Variants in ATP1B3 observed in about 807,000 individuals in gnomAD.
The protein encoded by ATP1B3 is sodium/potassium-transporting ATPase subunit beta-3.
In ATP1B3, 10 loss-of-function variants were observed where a neutral mutation model predicts 30.2. The observed-to-expected ratio is 0.33, with a 90% CI of 0.20 to 0.56. The LOEUF (loss-of-function observed/expected upper bound fraction) is 0.56, where lower values mean the gene tolerates loss of function less well. Among genes scored for constraint, ATP1B3 ranks in the 20% least tolerant of loss-of-function variants. ATP1B3 has a pLI of 0.90. For missense variants in ATP1B3, 238 were observed against 336.7 expected (o/e 0.71, Z 2.29); for synonymous variants, 113 against 117.0 (o/e 0.97, Z 0.22).
chr3:141,911,142 G>T (rs1427554822), intron 3 of ATP1B3, among the ~76,000 whole-genome samples: 1 of 151,934 alleles, frequency 6.6e-6, no homozygotes, highest in Non-Finnish European at 1.5e-5. Flanking sequence ...ATTATCCTCT[G>T]TTACCACTTT....
In ATP1B3 at chr3:141,926,491, T is replaced by C. The variant is rs1934663483; in HGVS notation, c.*790T>C. ...TTATTTAGCAGACTGTGGACTGTAA[T>C]AAAGTATATAAATTGTGAAATATAA... On this transcript the variant is annotated 3_prime_UTR_variant, in exon 7 of 7. Transcript: ENST00000286371. 1 of 151,830 alleles carries C rather than the reference T, an allele frequency of 6.6e-6. No homozygotes were observed. The highest frequency in any genetic ancestry group is 1.5e-5 in the Non-Finnish European group (1 of 68,028). 9.4% of individuals were successfully genotyped at this position (151,830 alleles called of 1,614,324 possible).
At chr3:141,902,598 A>C (rs1934184642) in intron 1 of ATP1B3, among the ~76,000 whole-genome samples, 1 of 152,248 alleles carries the variant, frequency 6.6e-6, no homozygotes, top group East Asian at 1.9e-4. Context: ...ATTGATTTTA[A>C]GTGTTCCCAA....
intron 1 of ATP1B3, among the ~76,000 whole-genome samples, chr3:141,900,756 C>T (rs930032260): frequency 6.6e-6 from 1 of 152,010 alleles, no homozygotes; most frequent in African/African-American, 2.4e-5. Flanking sequence ...CTAAGTCTTG[C>T]CAGGTTTCTT....
chr3:141,899,867 C>T (rs1353935388), intron 1 of ATP1B3, among the ~76,000 whole-genome samples: 1 of 151,870 alleles, frequency 6.6e-6, no homozygotes, highest in Non-Finnish European at 1.5e-5. Context: ...GAAACTCCAT[C>T]TCCAAAAAAA....
intron 6 of ATP1B3, among the ~76,000 whole-genome samples, chr3:141,925,012 C>G (rs558707921): frequency 6.6e-6 from 1 of 152,160 alleles, no homozygotes; most frequent in South Asian, 2.1e-4. Flanking sequence ...CACCTGTAAT[C>G]CTAGCATTCT....
chr3:141,897,300 G>A (rs1027915616), intron 1 of ATP1B3, among the ~76,000 whole-genome samples: 11 of 152,050 alleles, frequency 7.2e-5, no homozygotes, highest in Admixed American at 5.2e-4. Context: ...TGCTAGAGAG[G>A]ATTCTTTTTG....
intron 1 of ATP1B3, among the ~76,000 whole-genome samples, chr3:141,884,796 T>A (rs894982731): frequency 1.3e-5 from 2 of 152,248 alleles, no homozygotes; most frequent in Non-Finnish European, 2.9e-5. Flanking sequence ...ATACATATTA[T>A]TAGTTCTGTC....
chr3:141,900,957 A>C (rs1299850340), intron 1 of ATP1B3, among the ~76,000 whole-genome samples: 1 of 151,954 alleles, frequency 6.6e-6, no homozygotes, highest in Non-Finnish European at 1.5e-5. Context: ...TATTTTTTGC[A>C]TTTTTAGTAG....
chr3:141,919,958 A>G (rs1934537595), intron 5 of ATP1B3, among the ~76,000 whole-genome samples: 1 of 152,088 alleles, frequency 6.6e-6, no homozygotes. Flanking sequence ...AAAATATGCT[A>G]TTCGTATACT....
At chr3:141,881,127 C>G (rs970411006) in intron 1 of ATP1B3, among the ~76,000 whole-genome samples, 8 of 150,328 alleles carry the variant, frequency 5.3e-5, no homozygotes, top group African/African-American at 2.0e-4. Context: ...TGCTTGAACC[C>G]GGGAGGTGGA....
At chr3:141,909,541 G>C (rs1934319825) in intron 3 of ATP1B3, among the ~76,000 whole-genome samples, 1 of 152,238 alleles carries the variant, frequency 6.6e-6, no homozygotes, top group South Asian at 2.1e-4. Flanking sequence ...TGAAGGAGGT[G>C]AAAGAACTAG....
intron 1 of ATP1B3, among the ~76,000 whole-genome samples, chr3:141,895,487 G>A (rs1049939855): frequency 3.3e-5 from 5 of 151,980 alleles, no homozygotes; most frequent in Admixed American, 1.3e-4. Flanking sequence ...ACTGCGTCCC[G>A]CCTCTTTTTT....
chr3:141,896,044 T>C (rs1438857735), intron 1 of ATP1B3, among the ~76,000 whole-genome samples: 4 of 152,170 alleles, frequency 2.6e-5, no homozygotes, highest in Admixed American at 2.0e-4. Context: ...TTCAGATCTT[T>C]TGCCTGCTTC....
chr3:141,922,733 A>G (rs2107780581), intron 6 of ATP1B3, among the ~76,000 whole-genome samples: 1 of 152,214 alleles, frequency 6.6e-6, no homozygotes, highest in Middle Eastern at 3.4e-3. Context: ...TGGGAGGCCG[A>G]GTCGGGCAGA....
At chr3:141,876,965 G>C (rs1933609101) in intron 1 of ATP1B3, 55 bp downstream of exon 1, 1 of 1,413,402 alleles carries the variant, frequency 7.1e-7, no homozygotes, top group Non-Finnish European at 9.5e-7. Context: ...GGGGCGCCGG[G>C]CGCGGTCTGG....
At position 141,876,667 on chromosome 3, in the gene ATP1B3, C is replaced by T; in HGVS notation, c.-135C>T. On this transcript the variant is annotated 5_prime_UTR_variant, in exon 1 of 7. The change creates a new upstream start codon in the 5' untranslated region. Transcript: ENST00000286371. The stretch of plus-strand genomic sequence containing the variant: ...CAGTCGGCTCGAGTACTCCCCGTAA[C>T]GAGGAGGTGTTCTCGGCCGTCCCAC... 3.5e-6 allele frequency: 2 copies of T among 568,072 alleles called. No individual in the cohort carries two copies. The highest frequency in any genetic ancestry group is 6.0e-6 in the Non-Finnish European group (2 of 333,548). 35.2% of individuals were successfully genotyped at this position (568,072 alleles called of 1,614,324 possible).
intron 1 of ATP1B3, among the ~76,000 whole-genome samples, chr3:141,879,304 T>C (rs1457494538): frequency 6.6e-6 from 1 of 152,198 alleles, no homozygotes; most frequent in Non-Finnish European, 1.5e-5. Context: ...TGGTATATAT[T>C]TATACCGATG....
At chr3:141,909,393 G>A (rs929697988) in intron 3 of ATP1B3, among the ~76,000 whole-genome samples, 1 of 152,178 alleles carries the variant, frequency 6.6e-6, no homozygotes, top group African/African-American at 2.4e-5. Flanking sequence ...TTAGACTCAT[G>A]GTGAATTAGA....
intron 1 of ATP1B3, among the ~76,000 whole-genome samples, chr3:141,898,633 C>G (rs1934111337): frequency 6.6e-6 from 1 of 152,134 alleles, no homozygotes. Flanking sequence ...AATTGGATCC[C>G]TGCTGTAGGA....
Sources: allele counts gnomAD v4.1 joint callset (sites outside exome capture counted in the v4.1 genomes callset), GRCh38; gene constraint gnomAD v4.1.1; transcripts MANE v1.5; gene names NCBI Gene and HGNC (gene_info 2026-07-23, HGNC 2026-07-21).